The following ATP10A variants were observed in gnomAD, a reference collection of about 807,000 sequenced individuals.
The protein encoded by ATP10A is phospholipid-transporting ATPase VA.
In ATP10A, 111 loss-of-function variants were observed where a neutral mutation model predicts 147.8. That is an observed-to-expected ratio of 0.75 (90% CI 0.64 to 0.88). The LOEUF (loss-of-function observed/expected upper bound fraction) is 0.88. ATP10A is among the 40% of genes least tolerant of loss of function. ATP10A has a pLI of 0.00. For missense variants in ATP10A, 1,927 were observed against 1,959.0 expected (o/e 0.98, Z 0.31); for synonymous variants, 875 against 841.6 (o/e 1.04, Z -0.69).
intron 14 of ATP10A, 88 bp from the exon 15 acceptor site, chr15:25,691,879 G>A (rs887409484): frequency 2.1e-5 from 31 of 1,503,926 alleles, no homozygotes; most frequent in Middle Eastern, 3.4e-4. Flanking sequence ...GGGAGTCCCC[G>A]CTGAACTCAG....
Position 25,814,558 on chromosome 15 carries a change from C to T in ATP10A, c.450-33335G>A, listed in dbSNP as rs537087913. Among the ~76,000 whole-genome samples the T allele has an allele frequency of 5.3e-5, 8 of 152,258 alleles. No homozygotes were observed. In the South Asian group the frequency reaches 1.0e-3, roughly 20 times the overall value. Reference sequence around the variant, plus strand: ...ATTTGCCCTTTTCCTCAGTACCATCCGTGATGACAGGAACCTCATCTTCCT... The same window carrying T: ...ATTTGCCCTTTTCCTCAGTACCATCTGTGATGACAGGAACCTCATCTTCCT... On this transcript the variant is annotated intron_variant, in intron 1 of 20. Transcript: ENST00000555815.
chr15:25,835,155 G>C (rs996558293), intron 1 of ATP10A, among the ~76,000 whole-genome samples: 1 of 152,092 alleles, frequency 6.6e-6, no homozygotes, highest in Admixed American at 6.6e-5. Context: ...TGTGCTTCCA[G>C]CTATACCTGG....
rs1901585227 is a variant in ATP10A at position 25,713,755 on chromosome 15, G to T, written c.2263C>A (p.His755Asn). 5 of 1,614,074 alleles carry T rather than the reference G, an allele frequency of 3.1e-6. No individual in the cohort carries two copies. In the East Asian group the frequency reaches 1.1e-4, roughly 36 times the overall value. ...ACGTTGATCTCATCGGTAAGCGGGT[G>T]CCGGATCACCACTGACATCCTCTTG... ...VRKRMSVVIR[H>N]PLTDEINVYT... Residue 755 changes from histidine (H) to asparagine (N), a missense_variant, in exon 10 of 21, where the codon CAC (histidine) becomes AAC (asparagine). His to Asn is a moderately conservative substitution (Grantham distance 68). Coordinates refer to ENST00000555815, the MANE Select transcript of ATP10A (RefSeq NM_024490.4).
At position 25,687,777 on chromosome 15, in the gene ATP10A, G is replaced by A; in HGVS notation, c.3217C>T (p.Leu1073Phe). Reference sequence around the variant, plus strand: ...CACCAATGCCCGTGAAGAATCAAGAGCCTCTCCAGGTATCGGAATTTCGGC... The same window carrying A: ...CACCAATGCCCGTGAAGAATCAAGAACCTCTCCAGGTATCGGAATTTCGGC... ...AVPKFRYLER[L>F]LILHGHWCYS... is the part of the protein sequence containing the mutation. The change falls in exon 16 of 21, where the codon CTC becomes TTC. Residue 1073 changes from leucine (L) to phenylalanine (F), a missense_variant. Leu to Phe is a conservative substitution (Grantham distance 22, BLOSUM62 0). Transcript: ENST00000555815. The A allele has an allele frequency of 6.2e-7, 1 of 1,613,860 alleles. No individual in the cohort carries two copies. Among genetic ancestry groups the A allele is most frequent in the South Asian group, 1.1e-5 (1 of 91,068 alleles).
intron 2 of ATP10A, among the ~76,000 whole-genome samples, chr15:25,779,916 C>A (rs1889819160): frequency 6.6e-6 from 1 of 150,436 alleles, no homozygotes; most frequent in Non-Finnish European, 1.5e-5. Context: ...CGGAAATCAG[C>A]CCGGTTGGAA....
chr15:25,829,631 T>C (rs1892267449), intron 1 of ATP10A, among the ~76,000 whole-genome samples: 1 of 152,006 alleles, frequency 6.6e-6, no homozygotes, highest in Non-Finnish European at 1.5e-5. Flanking sequence ...GGGACAGAGA[T>C]GAGGCATTTA....
chr15:25,831,361 A>G (rs902850207), intron 1 of ATP10A, among the ~76,000 whole-genome samples: 2 of 152,220 alleles, frequency 1.3e-5, no homozygotes, highest in East Asian at 3.8e-4. Context: ...GTGGACAGTT[A>G]ATCTCCTTGA....
rs371578073 is a variant in ATP10A, at chr15:25,727,150, C to T, written c.847+10G>A. On this transcript the variant is annotated intron_variant, in intron 4 of 20. Coordinates refer to ENST00000555815, the MANE Select transcript of ATP10A (RefSeq NM_024490.4). ...TCTGGCGGCAGGTGGTGCCAGGTGC[C>T]CGAGCCTACCTGCGTAGATGACAAT... 200 of 1,610,940 alleles carry T rather than the reference C, an allele frequency of 1.2e-4. 1 individual carries two copies. The highest frequency in any genetic ancestry group is 1.6e-4 in the Non-Finnish European group (187 of 1,177,232).
At chr15:25,805,356 T>C (rs1891135123) in intron 1 of ATP10A, among the ~76,000 whole-genome samples, 2 of 152,228 alleles carry the variant, frequency 1.3e-5, no homozygotes, top group South Asian at 4.1e-4. Flanking sequence ...AAAGAGATGC[T>C]GCCTTCATTG....
At chr15:25,701,841 G>C (rs1291055352) in intron 13 of ATP10A, 75 bp downstream of exon 13, 21 of 1,384,338 alleles carry the variant, frequency 1.5e-5, no homozygotes, top group Non-Finnish European at 2.1e-5. Flanking sequence ...AGGAATGTGA[G>C]TGTCTGCCAA....
intron 1 of ATP10A, among the ~76,000 whole-genome samples, chr15:25,788,178 A>AAATCCCTCC (rs980729047): frequency 1.4e-3 from 220 of 152,336 alleles, no homozygotes; most frequent in African/African-American, 4.8e-3. Flanking sequence ...TGCAGGAAAC[A>AAATCCCTCC]TGTAGGAGCA....
chr15:25,673,676 T>C (rs1899085302), downstream of ATP10A, among the ~76,000 whole-genome samples: 1 of 152,216 alleles, frequency 6.6e-6, no homozygotes, highest in Non-Finnish European at 1.5e-5. Flanking sequence ...TTGCATGCCC[T>C]TTCTTGTCTG....
At chr15:25,822,977 C>CT (rs893077478) in intron 1 of ATP10A, among the ~76,000 whole-genome samples, 4 of 150,682 alleles carry the variant, frequency 2.7e-5, no homozygotes, top group Non-Finnish European at 3.0e-5. Flanking sequence ...AATAACAACT[C>CT]TTTTTTTTTC....
chr15:25,789,591 T>TGTGTGTGTGTGTGTGTGTGTGTGTGA (rs1555470190), intron 1 of ATP10A, among the ~76,000 whole-genome samples: 1 of 151,254 alleles, frequency 6.6e-6, no homozygotes, highest in African/African-American at 2.4e-5. Flanking sequence ...TGTGTGTGTG[T>TGTGTGTGTGTGTGTGTGTGTGTGTGA]GACAGAGACA....
At chr15:25,839,092 A>G (rs1379717239) in intron 1 of ATP10A, among the ~76,000 whole-genome samples, 1 of 152,180 alleles carries the variant, frequency 6.6e-6, no homozygotes, top group African/African-American at 2.4e-5. Context: ...GCGGGCTTGT[A>G]TCCAATACCC....
At chr15:25,787,042 A>T (rs928448129) in intron 1 of ATP10A, among the ~76,000 whole-genome samples, 1 of 151,922 alleles carries the variant, frequency 6.6e-6, no homozygotes, top group Admixed American at 6.6e-5. Context: ...TCTCTCAGTG[A>T]ACCCTCCCAC....
intron 1 of ATP10A, among the ~76,000 whole-genome samples, chr15:25,785,665 C>T (rs758072904): frequency 4.6e-5 from 7 of 152,190 alleles, no homozygotes; most frequent in Non-Finnish European, 7.3e-5. Context: ...AGACAGAAAT[C>T]GAGCCCACTG....
intron 16 of ATP10A, 149 bp downstream of exon 16, chr15:25,687,554 G>T: frequency 1.8e-6 from 1 of 565,396 alleles, no homozygotes; most frequent in Non-Finnish European, 2.6e-6. Flanking sequence ...AGCCAGCCCA[G>T]GACAGGGGAC....
At chr15:25,862,169 C>T (rs1597015061) in intron 1 of ATP10A, 1 of 432,146 alleles carries the variant, frequency 2.3e-6, no homozygotes, top group Non-Finnish European at 4.7e-6. Context: ...CAGCACTTGG[C>T]GGCAGTTTCA....
Sources: gnomAD v4.1 joint callset for allele counts (sites outside exome capture counted in the v4.1 genomes callset) on GRCh38, gnomAD v4.1.1 for gene constraint, MANE v1.5 for transcripts, NCBI Gene and HGNC (gene_info 2026-07-23, HGNC 2026-07-21) for gene names.